The following RGS18 variants were observed in gnomAD, a reference collection of about 807,000 sequenced individuals.
RGS18 encodes regulator of G protein signaling 18.
A neutral mutation model predicts 27.6 loss-of-function variants in RGS18; 22 were observed. That is an observed-to-expected ratio of 0.80 (90% CI 0.57 to 1.14). The LOEUF is 1.14. Ranked by LOEUF, RGS18 falls within the 50% of genes most tolerant of loss-of-function variation. The pLI, the probability that RGS18 is intolerant of heterozygous loss-of-function variation, is 0.00. For synonymous variants in RGS18, 89 were observed against 84.6 expected, an observed-to-expected ratio of 1.05 and a Z score of -0.29; for missense variants, 299 against 269.6, an observed-to-expected ratio of 1.11 and a Z score of -0.76.
chr1:192,172,670 C>T (rs1328993265), intron 3 of RGS18, among the ~76,000 whole-genome samples: 1 of 151,670 alleles, frequency 6.6e-6, no homozygotes, highest in Non-Finnish European at 1.5e-5. Flanking sequence ...CTCTGATCTA[C>T]TCTTCTGCCT....
intron 2 of RGS18, among the ~76,000 whole-genome samples, chr1:192,159,987 C>G (rs904536984): frequency 6.6e-6 from 1 of 151,760 alleles, no homozygotes; most frequent in African/African-American, 2.4e-5. Context: ...AAGGAAATTG[C>G]AGTATAATTT....
At chr1:192,166,087 T>C (rs377469839) in intron 3 of RGS18, among the ~76,000 whole-genome samples, 2 of 152,222 alleles carry the variant, frequency 1.3e-5, no homozygotes, top group East Asian at 3.8e-4. Context: ...ATAAAATCAG[T>C]TGATGCCAAT....
intron 3 of RGS18, among the ~76,000 whole-genome samples, chr1:192,164,318 A>C (rs1363063672): frequency 3.9e-5 from 6 of 152,128 alleles, no homozygotes; most frequent in Non-Finnish European, 8.8e-5. Flanking sequence ...AAACCAAAAC[A>C]ATTCTTTATT....
chr1:192,174,617 G>C (rs1289445775), intron 3 of RGS18, among the ~76,000 whole-genome samples: 1 of 151,762 alleles, frequency 6.6e-6, no homozygotes, highest in East Asian at 1.9e-4. Flanking sequence ...GTTTAGGATT[G>C]TTATGTACTA....
rs56823855 is a variant in RGS18, at chr1:192,175,325, ATT to A, written c.284-5958_284-5957del. 1.3e-3 allele frequency among the ~76,000 whole-genome samples: 200 copies of A among 151,190 alleles called. 1 individual carries two copies. Among genetic ancestry groups the A allele is most frequent in the African/African-American group, 4.2e-3 (175 of 41,270 alleles). ...TCATGAAAATTTCCTTATATCACTA[ATT>A]TTTTTTTTGTATGTGAGCATGGAGG... is the stretch of plus-strand genomic sequence containing the variant. On this transcript the variant is annotated intron_variant, in intron 3 of 4. Coordinates refer to ENST00000367460, the MANE Select transcript of RGS18 (RefSeq NM_130782.3).
chr1:192,171,905 C>T (rs1018814999), intron 3 of RGS18, among the ~76,000 whole-genome samples: 1 of 152,050 alleles, frequency 6.6e-6, no homozygotes, highest in African/African-American at 2.4e-5. Context: ...ATTAAAACAA[C>T]ACAATTTTAT....
chr1:192,184,160 A>G (rs1656503107), intron 4 of RGS18, 137 bp from the exon 5 acceptor site: 6 of 697,794 alleles, frequency 8.6e-6, no homozygotes, highest in Non-Finnish European at 1.4e-5. Context: ...AGGTTTGGGC[A>G]GGCTACACAC....
chr1:192,160,307 C>T, intron 2 of RGS18, 71 bp from the exon 3 acceptor site: 1 of 812,210 alleles, frequency 1.2e-6, no homozygotes, highest in Non-Finnish European at 2.0e-6. Flanking sequence ...AGTAAAATAG[C>T]ATATGTTAGA....
chr1:192,175,197 T>C (rs1268649734), intron 3 of RGS18, among the ~76,000 whole-genome samples: 4 of 151,894 alleles, frequency 2.6e-5, no homozygotes, highest in Non-Finnish European at 4.4e-5. Context: ...TTCAAAAAAT[T>C]TATATGAGCT....
In RGS18 at chr1:192,183,153, T is replaced by C. The variant is rs561094621; in HGVS notation, c.451-1144T>C. Among the ~76,000 whole-genome samples the C allele has an allele frequency of 2.0e-5, 3 of 151,700 alleles. No individual in the cohort carries two copies. The South Asian group carries it at 6.2e-4, about 31-fold the overall frequency. On this transcript the variant is annotated intron_variant, in intron 4 of 4. Coordinates refer to ENST00000367460, the MANE Select transcript of RGS18 (RefSeq NM_130782.3). ...CTTCTCCCAAAACCAACGTTTTACA[T>C]AGTTTTTTTTATAAAAAGGCAGCTA...
chr1:192,177,743 G>A (rs892385759), intron 3 of RGS18, among the ~76,000 whole-genome samples: 6 of 151,762 alleles, frequency 4.0e-5, no homozygotes, highest in South Asian at 4.2e-4. Context: ...GAATAGGAAG[G>A]GAAAAGTATT....
Position 192,184,532 on chromosome 1 carries a change from C to T in RGS18, c.686C>T (p.Ser229Leu), listed in dbSNP as rs1429625398. The change falls in exon 5 of 5, where the codon TCA becomes TTA. Residue 229 changes from serine to leucine, a missense_variant. Transcript: ENST00000367460. ...FTCNEFQDVQ[S>L]DVAIWL is the part of the protein sequence containing the mutation. ...TGCAATGAATTCCAAGATGTACAAT[C>T]AGATGTTGCCATTTGGTTATAAAGA... is the stretch of plus-strand genomic sequence containing the variant. The T allele has an allele frequency of 6.2e-7, 1 of 1,610,910 alleles. No individual in the cohort carries two copies. Among genetic ancestry groups the T allele is most frequent in the Non-Finnish European group, 8.5e-7 (1 of 1,178,114 alleles).
At chr1:192,179,656 C>T (rs886452520) in intron 3 of RGS18, among the ~76,000 whole-genome samples, 5 of 151,442 alleles carry the variant, frequency 3.3e-5, no homozygotes, top group Non-Finnish European at 7.4e-5. Context: ...CATTCATCAA[C>T]CTGAATAAAT....
Position 192,158,689 on chromosome 1 carries a change from G to A in RGS18, c.52G>A (p.Glu18Lys). ...FSQINMCESKEKTFFKLIHGS... is the reference protein window; with the variant it reads ...FSQINMCESKKKTFFKLIHGS... ...TCAAATAAATATGTGTGAATCAAAA[G>A]AAAAAACTTTTTTCAAGTTAATACA... is the stretch of plus-strand genomic sequence containing the variant. Residue 18 changes from glutamate (E) to lysine (K), a missense_variant, in exon 1 of 5, where the codon GAA becomes AAA. Physicochemically the swap from Glu to Lys is moderately conservative, Grantham distance 56. Coordinates refer to ENST00000367460, the MANE Select transcript of RGS18 (RefSeq NM_130782.3). 6.3e-7 allele frequency: 1 copy of A among 1,581,864 alleles called. No individual in the cohort carries two copies. Among genetic ancestry groups the A allele is most frequent in the Non-Finnish European group, 8.6e-7 (1 of 1,169,360 alleles).
chr1:192,159,658 ATC>A lies in RGS18; in HGVS notation c.221+341_221+342del, dbSNP rs554037658. Among the ~76,000 whole-genome samples the A allele has an allele frequency of 6.6e-4, 100 of 152,320 alleles. 1 individual carries two copies. Among genetic ancestry groups the A allele is most frequent in the African/African-American group, 2.2e-3 (92 of 41,578 alleles). On this transcript the variant is annotated intron_variant, in intron 2 of 4. Transcript: ENST00000367460. ...ATATTGTCATAGCAGAGAGATATTC[ATC>A]TCTTTCTTCAGTAGTTTGAAAAAAC...
chr1:192,164,783 CTT>C (rs1358274543), intron 3 of RGS18, among the ~76,000 whole-genome samples: 1 of 152,156 alleles, frequency 6.6e-6, no homozygotes, highest in Non-Finnish European at 1.5e-5. Context: ...AATCAATACT[CTT>C]ATAATTTCCT....
chr1:192,160,462 A>G (rs1407355180), intron 3 of RGS18, 23 bp downstream of exon 3: 1 of 1,556,290 alleles, frequency 6.4e-7, no homozygotes, highest in Non-Finnish European at 8.9e-7. Flanking sequence ...TTCACCAAAT[A>G]CTTTGTGTGC....
chr1:192,178,112 A>AT (rs199567984), intron 3 of RGS18, among the ~76,000 whole-genome samples: 151 of 151,202 alleles, frequency 1.0e-3, no homozygotes, highest in East Asian at 9.8e-3. Context: ...TGAAAGGGGA[A>AT]TTTTTTTTTA....
intron 3 of RGS18, among the ~76,000 whole-genome samples, chr1:192,178,460 G>C (rs142064144): frequency 6.6e-6 from 1 of 151,692 alleles, no homozygotes; most frequent in African/African-American, 2.4e-5. Context: ...GATAAACTGA[G>C]AAGGATTTGG....
Sources: gnomAD v4.1 joint callset for allele counts (sites outside exome capture counted in the v4.1 genomes callset) on GRCh38, gnomAD v4.1.1 for gene constraint, MANE v1.5 for transcripts, NCBI Gene and HGNC (gene_info 2026-07-23, HGNC 2026-07-21) for gene names.